QTMAN: variants seen among roughly 807,000 people sequenced by gnomAD.
QTMAN encodes the protein tRNA-queuosine alpha-mannosyltransferase.
At chr2:144,292,738 A>G in the QTMAN span, among the ~76,000 whole-genome samples, 1 of 152,180 alleles carries the variant, frequency 6.6e-6, no homozygotes, top group African/African-American at 2.4e-5. Context: ...AAAGGAAGCT[A>G]TAACTTACTT....
the QTMAN span, among the ~76,000 whole-genome samples, chr2:144,320,219 T>C: frequency 1.3e-5 from 2 of 152,182 alleles, no homozygotes; most frequent in Admixed American, 6.5e-5. Flanking sequence ...CAGGCTATAG[T>C]GGCCAACTTG....
chr2:144,002,392 C>T, the QTMAN span, among the ~76,000 whole-genome samples: 14 of 152,002 alleles, frequency 9.2e-5, no homozygotes, highest in East Asian at 2.5e-3. Flanking sequence ...CACAGTTAAT[C>T]AGACTTCACT....
At chr2:144,308,140 AC>A in the QTMAN span, among the ~76,000 whole-genome samples, 2 of 149,582 alleles carry the variant, frequency 1.3e-5, no homozygotes, top group Non-Finnish European at 3.0e-5. Flanking sequence ...CCAGGAAAAA[AC>A]CCACACATAT....
chr2:144,252,356 G>A, the QTMAN span, among the ~76,000 whole-genome samples: 1 of 152,078 alleles, frequency 6.6e-6, no homozygotes, highest in African/African-American at 2.4e-5. Flanking sequence ...TCCAGCCTGG[G>A]TGAAAGAGCA....
At chr2:144,184,169 G>A in the QTMAN span, among the ~76,000 whole-genome samples, 1 of 152,084 alleles carries the variant, frequency 6.6e-6, no homozygotes, top group African/African-American at 2.4e-5. Context: ...ACCTGCCTAA[G>A]TTCTTTACAC....
At chr2:144,189,321 A>C in the QTMAN span, among the ~76,000 whole-genome samples, 1 of 152,182 alleles carries the variant, frequency 6.6e-6, no homozygotes, top group East Asian at 1.9e-4. Context: ...ACTGATGCCC[A>C]AGGCCCTCCT....
the QTMAN span, among the ~76,000 whole-genome samples, chr2:144,109,085 A>G: frequency 6.6e-6 from 1 of 152,228 alleles, no homozygotes; most frequent in African/African-American, 2.4e-5. Context: ...ATGGAACCAA[A>G]AGACAATCCT....
the QTMAN span, among the ~76,000 whole-genome samples, chr2:144,301,254 G>C: frequency 6.6e-6 from 1 of 152,000 alleles, no homozygotes; most frequent in East Asian, 1.9e-4. Context: ...ACAGAATCTC[G>C]CTCTGTTACC....
At chr2:144,061,444 T>C in the QTMAN span, among the ~76,000 whole-genome samples, 2 of 152,212 alleles carry the variant, frequency 1.3e-5, no homozygotes, top group African/African-American at 4.8e-5. Flanking sequence ...TGTAAAACTA[T>C]ATATAATTGA....
chr2:144,296,969 A>G, the QTMAN span, among the ~76,000 whole-genome samples: 1 of 152,324 alleles, frequency 6.6e-6, no homozygotes, highest in Non-Finnish European at 1.5e-5. Flanking sequence ...GTGAATTTGG[A>G]AAAGACTTAG....
chr2:144,110,516 T>G, the QTMAN span, among the ~76,000 whole-genome samples: 1 of 152,064 alleles, frequency 6.6e-6, no homozygotes, highest in Non-Finnish European at 1.5e-5. Flanking sequence ...GTTGTGCACA[T>G]GCACCCTAGA....
the QTMAN span, among the ~76,000 whole-genome samples, chr2:144,145,355 C>T: frequency 3.3e-5 from 5 of 151,672 alleles, no homozygotes; most frequent in Admixed American, 2.6e-4. Flanking sequence ...ATAATTAGCT[C>T]AACATATAAT....
At chr2:144,219,222 C>G in the QTMAN span, among the ~76,000 whole-genome samples, 1 of 152,168 alleles carries the variant, frequency 6.6e-6, no homozygotes, top group Admixed American at 6.5e-5. Context: ...CCTCCACCTA[C>G]TAGGTTCAAG....
At chr2:144,303,886 A>G in the QTMAN span, among the ~76,000 whole-genome samples, 1 of 152,188 alleles carries the variant, frequency 6.6e-6, no homozygotes, top group Non-Finnish European at 1.5e-5. Flanking sequence ...ATGGTGGGAG[A>G]CACTAAGTAC....
the QTMAN span, among the ~76,000 whole-genome samples, chr2:144,051,863 T>A: frequency 6.6e-6 from 1 of 152,220 alleles, no homozygotes; most frequent in Non-Finnish European, 1.5e-5. Flanking sequence ...GCTACCATGC[T>A]GGTGCTAGAG....
At chr2:144,107,070 C>A in the QTMAN span, among the ~76,000 whole-genome samples, 2 of 152,232 alleles carry the variant, frequency 1.3e-5, no homozygotes, top group East Asian at 3.9e-4. Context: ...AGAACAAAGA[C>A]ACAACATACC....
At chr2:144,332,282 C>A in the QTMAN span, among the ~76,000 whole-genome samples, 2 of 150,782 alleles carry the variant, frequency 1.3e-5, no homozygotes, top group East Asian at 3.9e-4. Context: ...CCACACCCCC[C>A]GCCCCCGGCT....
At chr2:144,205,008 G>A in the QTMAN span, among the ~76,000 whole-genome samples, 1 of 116,742 alleles carries the variant, frequency 8.6e-6, no homozygotes, top group Non-Finnish European at 1.7e-5. Context: ...TGGGGGGAGG[G>A]GGGAGGGATA....
the QTMAN span, among the ~76,000 whole-genome samples, chr2:144,222,512 TAAG>T: frequency 6.6e-6 from 1 of 151,730 alleles, no homozygotes; most frequent in Non-Finnish European, 1.5e-5. Context: ...TGTCTTGTAT[TAAG>T]AAAGCTGGAG....
Sources: gnomAD v4.1 joint callset for allele counts (sites outside exome capture counted in the v4.1 genomes callset) on GRCh38, gnomAD v4.1.1 for gene constraint, MANE v1.5 for transcripts, NCBI Gene and HGNC (gene_info 2026-07-23, HGNC 2026-07-21) for gene names.